The following CSF2RB variants were observed in gnomAD, a reference collection of about 807,000 sequenced individuals.
CSF2RB encodes colony stimulating factor 2 receptor subunit beta.
CSF2RB carries 22 observed loss-of-function variants against 67.2 expected under a neutral mutation model. That is an observed-to-expected ratio of 0.33 (90% CI 0.23 to 0.47). The LOEUF is 0.47. Ranked by LOEUF, CSF2RB falls within the 20% of genes least tolerant of loss-of-function variation. CSF2RB has a pLI of 1.00. For synonymous variants in CSF2RB, 507 were observed against 482.9 expected, an observed-to-expected ratio of 1.05 and a Z score of -0.65; for missense variants, 1,113 against 1,174.5, an observed-to-expected ratio of 0.95 and a Z score of 0.76.
chr22:36,939,720 C>T lies in CSF2RB; in HGVS notation c.*1218C>T, dbSNP rs1379003650. ...TTAAGTCTTTTTGACTATTGACATA[C>T]AGTCTTTCACAGATGGTGGAGTGTT... On this transcript the variant is annotated 3_prime_UTR_variant, in exon 14 of 14. Transcript: ENST00000403662. 6.1e-6 allele frequency: 1 copy of T among 164,862 alleles called. No individual in the cohort carries two copies. 10.2% of individuals were successfully genotyped at this position (164,862 alleles called of 1,614,324 possible).
At chr22:36,921,218 G>A (rs1303850383) in intron 1 of CSF2RB, among the ~76,000 whole-genome samples, 1 of 151,552 alleles carries the variant, frequency 6.6e-6, no homozygotes. Flanking sequence ...TGTTGTTCAT[G>A]TGTGTATGTG....
At chr22:36,932,383 C>T (rs147482364) in intron 8 of CSF2RB, among the ~76,000 whole-genome samples, 4,191 of 140,778 alleles carry the variant, frequency 0.03, 48 homozygotes, top group Middle Eastern at 0.05. Flanking sequence ...TGCAGTTAGC[C>T]AAGATCACAC....
chr22:36,933,670 G>T (rs1394131554), intron 9 of CSF2RB, among the ~76,000 whole-genome samples, 162 bp from the exon 10 acceptor site: 2 of 152,330 alleles, frequency 1.3e-5, no homozygotes, highest in East Asian at 3.9e-4. Context: ...CTGTCCGTGG[G>T]TGGGCCCTCA....
At chr22:36,935,295 G>T (rs1206002492) in intron 10 of CSF2RB, 56 bp from the exon 11 acceptor site, 59 of 1,549,944 alleles carry the variant, frequency 3.8e-5, no homozygotes, top group Non-Finnish European at 4.8e-5. Flanking sequence ...TCCCTGCCCT[G>T]AGGTCGATTT....
intron 10 of CSF2RB, 106 bp downstream of exon 10, chr22:36,934,100 T>C: frequency 7.0e-7 from 1 of 1,436,942 alleles, no homozygotes; most frequent in Non-Finnish European, 9.5e-7. Flanking sequence ...CAACAACTTG[T>C]AGGTGAGCCG....
intron 10 of CSF2RB, 47 bp from the exon 11 acceptor site, chr22:36,935,304 T>C (rs201631431): frequency 1.4e-4 from 226 of 1,592,810 alleles, no homozygotes; most frequent in Non-Finnish European, 1.8e-4. Context: ...TGAGGTCGAT[T>C]TCCCGCCCAG....
Position 36,932,710 on chromosome 22 carries a change from A to G in CSF2RB, c.1013-55A>G, listed in dbSNP as rs1941174020. ...CAGTGTCTAGCATGAGACACGGGGA[A>G]TGTTCCGTTGGAGGGTGGGTATGAT... On this transcript the variant is annotated intron_variant, in intron 8 of 13. Coordinates refer to ENST00000403662, the MANE Select transcript of CSF2RB (RefSeq NM_000395.3). The G allele has an allele frequency of 3.1e-6, 5 of 1,594,222 alleles. No individual in the cohort carries two copies. The African/African-American group carries it at 4.0e-5, about 13-fold the overall frequency.
intron 1 of CSF2RB, among the ~76,000 whole-genome samples, chr22:36,918,120 T>A (rs1002306043): frequency 2.6e-5 from 4 of 152,210 alleles, no homozygotes; most frequent in Admixed American, 6.5e-5. Flanking sequence ...CTTCTTTAAC[T>A]TATCTGTAAG....
At chr22:36,921,598 C>T in intron 1 of CSF2RB, among the ~76,000 whole-genome samples, 1 of 152,040 alleles carries the variant, frequency 6.6e-6, no homozygotes, top group East Asian at 1.9e-4. Context: ...GGGAGGAAAC[C>T]CCCGGCCTCC....
At chr22:36,923,164 C>G in intron 2 of CSF2RB, 80 bp from the exon 3 acceptor site, 1 of 1,607,448 alleles carries the variant, frequency 6.2e-7, no homozygotes, top group Non-Finnish European at 8.5e-7. Flanking sequence ...CAGAGCGGGA[C>G]ATCCCAAAGC....
Position 36,939,133 on chromosome 22 carries a change from G to A in CSF2RB, c.*631G>A, listed in dbSNP as rs1941336770. 22 of 700,774 alleles carry A rather than the reference G, an allele frequency of 3.1e-5. No homozygotes were observed. In the Middle Eastern group the frequency reaches 6.9e-4, roughly 22 times the overall value. The allele number at this position is 700,774 out of a possible 1,614,324, so 43.4% of individuals were successfully genotyped here. Reference sequence around the variant, plus strand: ...AGAAATGGGCATGGTATTGGGGGTCGGGGGGGCGGTGCAAGGGACGCACAT... The same window carrying A: ...AGAAATGGGCATGGTATTGGGGGTCAGGGGGGCGGTGCAAGGGACGCACAT... On this transcript the variant is annotated 3_prime_UTR_variant, in exon 14 of 14. Transcript: ENST00000403662.
At chr22:36,929,355 C>A in intron 4 of CSF2RB, 47 bp from the exon 5 acceptor site, 1 of 1,613,740 alleles carries the variant, frequency 6.2e-7, no homozygotes, top group Non-Finnish European at 8.5e-7. Context: ...CCCTGACTGC[C>A]CCCCAGCGGT....
At position 36,937,360 on chromosome 22, in the gene CSF2RB, C is replaced by T. The variant is rs773119649; in HGVS notation, c.1569-17C>T. ...CCCAGGGTGGTCCCAACTCTTCTGC[C>T]CATTTTCTTCCCACAGGGTGTTCCC... On this transcript the variant is annotated splice_polypyrimidine_tract_variant and intron_variant, in intron 13 of 13. Transcript: ENST00000403662. The surrounding 1 kb of genome is among the most constrained non-coding windows in gnomAD (Gnocchi z 4.6). 1.3e-5 allele frequency: 21 copies of T among 1,612,084 alleles called. 1 individual carries two copies. In the Admixed American group the frequency reaches 3.3e-4, roughly 26 times the overall value.
At chr22:36,925,002 C>G (rs1335662999) in intron 3 of CSF2RB, among the ~76,000 whole-genome samples, 1 of 152,210 alleles carries the variant, frequency 6.6e-6, no homozygotes, top group Non-Finnish European at 1.5e-5. Context: ...TCCAGGCGTA[C>G]TGGCCTCTCC....
In CSF2RB at chr22:36,937,045, G is replaced by A. The variant is rs1334584566; in HGVS notation, c.1569-332G>A. 6.6e-6 allele frequency among the ~76,000 whole-genome samples: 1 copy of A among 152,132 alleles called. No individual in the cohort carries two copies. Among genetic ancestry groups the A allele is most frequent in the Non-Finnish European group, 1.5e-5 (1 of 68,010 alleles). ...GGCATGGTTGATAGAATGATGGAAG[G>A]GTTGCCCAGTGCACAGGCTGGGCAT... On this transcript the variant is annotated intron_variant, in intron 13 of 13. Coordinates refer to ENST00000403662, the MANE Select transcript of CSF2RB (RefSeq NM_000395.3). The surrounding 1 kb of genome is among the most constrained non-coding windows in gnomAD (Gnocchi z 4.6).
intron 13 of CSF2RB, 103 bp downstream of exon 13, chr22:36,936,755 T>A: frequency 1.0e-6 from 1 of 989,392 alleles, no homozygotes; most frequent in Non-Finnish European, 1.5e-6. Context: ...TGGCTCACTG[T>A]GAAGGGATCC....
In CSF2RB at chr22:36,940,191, C is replaced by T. The variant is rs142237375; in HGVS notation, c.*1689C>T. 298 of 152,280 alleles carry T rather than the reference C, an allele frequency of 2.0e-3. 1 individual carries two copies. The highest frequency in any genetic ancestry group is 6.9e-3 in the African/African-American group (288 of 41,556). The allele number at this position is 152,280 out of a possible 1,614,324, so 9.4% of individuals were successfully genotyped here. On this transcript the variant is annotated 3_prime_UTR_variant, in exon 14 of 14. Transcript: ENST00000403662. ...TCATAAGTGGTTAAGCAAGTATTCTCGTTACTTTTGCTCTTAAATCCCTAT... is the reference window on the plus strand; with the variant it reads ...TCATAAGTGGTTAAGCAAGTATTCTTGTTACTTTTGCTCTTAAATCCCTAT...
chr22:36,934,028 A>C, intron 10 of CSF2RB, 34 bp downstream of exon 10: 1 of 1,609,760 alleles, frequency 6.2e-7, no homozygotes, highest in Non-Finnish European at 8.5e-7. Flanking sequence ...GCTTCTGGCC[A>C]GGACCAGCTC....
Position 36,937,202 on chromosome 22 carries a change from G to GTCCCATA in CSF2RB, c.1569-172_1569-171insCATATCC, listed in dbSNP as rs968751465. Among the ~76,000 whole-genome samples, 6 of 152,088 alleles carry GTCCCATA rather than the reference G, an allele frequency of 3.9e-5. No homozygotes were observed. In the East Asian group the frequency reaches 7.7e-4, roughly 20 times the overall value. On this transcript the variant is annotated intron_variant, in intron 13 of 13. Transcript: ENST00000403662. This position sits in a 1 kb window ranked among gnomAD's most constrained non-coding sequence, Gnocchi z 4.6. Reference sequence around the variant, plus strand: ...CGGAAAGACTGAATCCATGTCCCATGTCCTTCTCTGGGGCCCCTGCTCCCT... The same window carrying GTCCCATA: ...CGGAAAGACTGAATCCATGTCCCATGTCCCATATCCTTCTCTGGGGCCCCTGCTCCCT...
Sources: gnomAD v4.1 joint callset for allele counts (sites outside exome capture counted in the v4.1 genomes callset) on GRCh38, gnomAD v4.1.1 for gene constraint, Gnocchi (gnomAD v3.1) non-coding constraint, MANE v1.5 for transcripts, NCBI Gene and HGNC (gene_info 2026-07-23, HGNC 2026-07-21) for gene names.